Variants in GRID2 observed in about 807,000 individuals in gnomAD.
GRID2 encodes glutamate ionotropic receptor delta type subunit 2, also known as glutamate receptor ionotropic, delta-2.
Under a neutral mutation model 114.8 loss-of-function variants are expected in GRID2, and 33 were observed. That is an observed-to-expected ratio of 0.29 (90% CI 0.22 to 0.38). GRID2 has a LOEUF of 0.38. Among genes scored for constraint, GRID2 ranks in the 10% least tolerant of loss-of-function variants. The probability of loss-of-function intolerance (pLI) is 1.00; values close to 1 mark genes in which losing one functional copy is unlikely to be tolerated. For missense variants in GRID2, 1,184 were observed against 1,257.7 expected, an observed-to-expected ratio of 0.94 and a Z score of 0.89; for synonymous variants, 505 against 449.9, an observed-to-expected ratio of 1.12 and a Z score of -1.55.
intron 2 of GRID2, among the ~76,000 whole-genome samples, chr4:92,799,091 A>G (rs1740028667): frequency 6.6e-6 from 1 of 151,866 alleles, no homozygotes. Context: ...CTTTATTTCC[A>G]TTATTATTAC....
chr4:93,780,886 A>T (rs1171925332), intron 1 of GRID2, among the ~76,000 whole-genome samples: 1 of 152,250 alleles, frequency 6.6e-6, no homozygotes, highest in Admixed American at 6.5e-5. Context: ...AAAGAGGCCA[A>T]TTAAAAGGGC....
chr4:92,924,982 C>G (rs538332817), intron 2 of GRID2, among the ~76,000 whole-genome samples: 3 of 152,186 alleles, frequency 2.0e-5, no homozygotes, highest in South Asian at 4.1e-4. Context: ...CTTAAAACAG[C>G]CTTTCCCCAA....
At chr4:92,534,276 A>C (rs1725497454) in intron 1 of GRID2, among the ~76,000 whole-genome samples, 1 of 152,160 alleles carries the variant, frequency 6.6e-6, no homozygotes, top group South Asian at 2.1e-4. Context: ...ATTTAACAGG[A>C]ATGTAGACAT....
intron 2 of GRID2, among the ~76,000 whole-genome samples, chr4:92,644,430 G>A (rs974520805): frequency 1.3e-5 from 2 of 151,668 alleles, no homozygotes; most frequent in African/African-American, 4.8e-5. Flanking sequence ...ATTGTTTCTA[G>A]ATTGTGAAGT....
chr4:92,934,346 A>G (rs908571321), intron 2 of GRID2, among the ~76,000 whole-genome samples: 14 of 151,656 alleles, frequency 9.2e-5, no homozygotes, highest in Non-Finnish European at 1.9e-4. Flanking sequence ...TTATTGGTGT[A>G]TAAGAATGCT....
chr4:93,212,774 G>GT (rs11384425), intron 5 of GRID2, among the ~76,000 whole-genome samples: 106,519 of 148,460 alleles, frequency 0.72, 39,253 homozygotes, highest in African/African-American at 0.89. Flanking sequence ...GTTTTTTGTT[G>GT]TTTTTTTTTT....
At position 92,472,575 on chromosome 4, in the gene GRID2, T is replaced by A. The variant is rs149435291; in HGVS notation, c.89-117556T>A. 1.6e-3 allele frequency among the ~76,000 whole-genome samples: 243 copies of A among 152,264 alleles called. 2 individuals are homozygous for A. The highest frequency in any genetic ancestry group is 5.7e-3 in the African/African-American group (236 of 41,576). On this transcript the variant is annotated intron_variant, in intron 1 of 15. Coordinates refer to ENST00000282020, the MANE Select transcript of GRID2 (RefSeq NM_001510.4). ...GTATAAGAGTTTCAGTTGCTCCACA[T>A]CTTCATCAATACTGGTGTGGTTACA...
In GRID2 at chr4:93,706,614, G is replaced by A. The variant is rs778115779; in HGVS notation, c.2361-62596G>A. Reference sequence around the variant, plus strand: ...TGTGTATCACCTCTAATAGTTTTTTGTGGAGTCTAGGTTTTTCCAAATATA... The same window carrying A: ...TGTGTATCACCTCTAATAGTTTTTTATGGAGTCTAGGTTTTTCCAAATATA... On this transcript the variant is annotated intron_variant, in intron 14 of 15. Transcript: ENST00000282020. 3.9e-5 allele frequency among the ~76,000 whole-genome samples: 6 copies of A among 152,128 alleles called. No individual in the cohort carries two copies. In the South Asian group the frequency reaches 6.2e-4, roughly 16 times the overall value.
rs1732109830 is a variant in GRID2, at chr4:92,654,094, T to A, written c.244+63808T>A. 2.0e-5 allele frequency among the ~76,000 whole-genome samples: 3 copies of A among 152,076 alleles called. 1 individual carries two copies. In the South Asian group the frequency reaches 6.2e-4, roughly 32 times the overall value. Reference sequence around the variant, plus strand: ...GGGTAAATGCTGTATGTTTTAGTGATCTTGGGTGGCTATAACAAAACACCA... The same window carrying A: ...GGGTAAATGCTGTATGTTTTAGTGAACTTGGGTGGCTATAACAAAACACCA... On this transcript the variant is annotated intron_variant, in intron 2 of 15. Transcript: ENST00000282020.
chr4:93,457,346 A>G (rs759724305), intron 11 of GRID2, among the ~76,000 whole-genome samples: 7 of 152,002 alleles, frequency 4.6e-5, no homozygotes, highest in Non-Finnish European at 8.8e-5. Context: ...AACGGTTAGG[A>G]TGGAATTTCA....
chr4:92,958,607 A>C (rs1158240205), intron 2 of GRID2, among the ~76,000 whole-genome samples: 1 of 152,076 alleles, frequency 6.6e-6, no homozygotes, highest in African/African-American at 2.4e-5. Context: ...CTATGTCCAC[A>C]ACATATATTG....
intron 13 of GRID2, among the ~76,000 whole-genome samples, chr4:93,564,342 T>C (rs1271569944): frequency 6.6e-6 from 1 of 151,994 alleles, no homozygotes; most frequent in African/African-American, 2.4e-5. Flanking sequence ...CCTTTCCTAT[T>C]TCTCAGATGT....
intron 7 of GRID2, among the ~76,000 whole-genome samples, chr4:93,228,871 A>G (rs1410412633): frequency 6.6e-6 from 1 of 152,206 alleles, no homozygotes; most frequent in Non-Finnish European, 1.5e-5. Context: ...GGAAGGAAAG[A>G]GAGACACCAT....
intron 2 of GRID2, among the ~76,000 whole-genome samples, chr4:92,812,000 A>G (rs1354374797): frequency 2.0e-5 from 3 of 152,154 alleles, no homozygotes; most frequent in African/African-American, 7.2e-5. Flanking sequence ...GGCATTTTGC[A>G]TAAGTAAACT....
chr4:92,945,293 T>G (rs953395406), intron 2 of GRID2, among the ~76,000 whole-genome samples: 2 of 152,122 alleles, frequency 1.3e-5, no homozygotes, highest in African/African-American at 4.8e-5. Flanking sequence ...TCTCTCAGAG[T>G]TTTAAAGTCA....
intron 1 of GRID2, among the ~76,000 whole-genome samples, chr4:92,461,681 C>T (rs975765579): frequency 5.9e-5 from 9 of 151,842 alleles, no homozygotes; most frequent in Non-Finnish European, 1.2e-4. Context: ...CTTAAATCAT[C>T]GTGGATTACA....
intron 1 of GRID2, among the ~76,000 whole-genome samples, chr4:92,587,704 C>A (rs2149208593): frequency 6.6e-6 from 1 of 152,180 alleles, no homozygotes; most frequent in East Asian, 1.9e-4. Context: ...TTCTTTTATC[C>A]ATTTTTTCAG....
intron 2 of GRID2, among the ~76,000 whole-genome samples, chr4:92,698,540 TAATA>T (rs762774569): frequency 6.6e-6 from 1 of 151,998 alleles, no homozygotes; most frequent in Non-Finnish European, 1.5e-5. Context: ...TAACTGTATA[TAATA>T]TATGCTCTTT....
chr4:93,245,763 T>C (rs1748136676), intron 8 of GRID2, among the ~76,000 whole-genome samples: 1 of 152,210 alleles, frequency 6.6e-6, no homozygotes, highest in Admixed American at 6.5e-5. Context: ...ATGTAACACA[T>C]GTAACATGTG....
Sources: allele counts gnomAD v4.1 joint callset (sites outside exome capture counted in the v4.1 genomes callset), GRCh38; gene constraint gnomAD v4.1.1; transcripts MANE v1.5; gene names NCBI Gene and HGNC (gene_info 2026-07-23, HGNC 2026-07-21).